THADA: variants seen among roughly 807,000 people sequenced by gnomAD.
THADA encodes the protein tRNA (32-2'-O)-methyltransferase regulator THADA.
THADA carries 213 observed loss-of-function variants against 219.8 expected under a neutral mutation model. The ratio of observed to expected loss-of-function variants is 0.97; its 90% CI spans 0.87 to 1.09. The LOEUF (loss-of-function observed/expected upper bound fraction) is 1.09, where lower values mean the gene tolerates loss of function less well. THADA is among the 50% of genes least tolerant of loss of function. The pLI, the probability that THADA is intolerant of heterozygous loss-of-function variation, is 0.00. For synonymous variants in THADA, 1,018 were observed against 828.9 expected (o/e 1.23, Z -3.92); for missense variants, 2,956 against 2,311.3 (o/e 1.28, Z -5.72).
In THADA at chr2:43,299,515, A is replaced by G. The variant is rs563605876; in HGVS notation, c.4439-6302T>C. Among the ~76,000 whole-genome samples the G allele has an allele frequency of 2.6e-5, 4 of 151,836 alleles. No homozygotes were observed. The South Asian group carries it at 8.3e-4, about 32-fold the overall frequency. On this transcript the variant is annotated intron_variant, in intron 31 of 37. Transcript: ENST00000405975. ...CTCTACTAAAAAAAATACAAAAATT[A>G]GCTGGGCGTGATGGTGGGCACCTGT...
intron 21 of THADA, among the ~76,000 whole-genome samples, chr2:43,531,150 T>C (rs1306674916): frequency 1.3e-5 from 2 of 152,190 alleles, no homozygotes; most frequent in African/African-American, 4.8e-5. Context: ...AAAACCAACA[T>C]GCTGTCTGGT....
intron 29 of THADA, among the ~76,000 whole-genome samples, chr2:43,391,204 T>C (rs1673342352): frequency 6.6e-6 from 1 of 152,092 alleles, no homozygotes; most frequent in Non-Finnish European, 1.5e-5. Context: ...GAAAAAAATA[T>C]ATATTTTTCC....
At chr2:43,544,253 T>C (rs1034447281) in intron 20 of THADA, among the ~76,000 whole-genome samples, 3 of 152,206 alleles carry the variant, frequency 2.0e-5, no homozygotes, top group Non-Finnish European at 4.4e-5. Context: ...TTGGTACCAG[T>C]ACCACGCTGT....
intron 30 of THADA, among the ~76,000 whole-genome samples, chr2:43,328,540 C>T (rs1487226752): frequency 2.6e-5 from 4 of 152,300 alleles, no homozygotes; most frequent in Non-Finnish European, 4.4e-5. Flanking sequence ...CCAACTTATA[C>T]GGAATTCTTA....
intron 22 of THADA, among the ~76,000 whole-genome samples, chr2:43,517,635 A>AT (rs1240525848): frequency 1.3e-5 from 2 of 152,036 alleles, no homozygotes; most frequent in Non-Finnish European, 2.9e-5. Context: ...GAAGTTTCTC[A>AT]TTTTTTCATC....
intron 26 of THADA, among the ~76,000 whole-genome samples, chr2:43,435,830 GT>G (rs1247609336): frequency 3.3e-4 from 47 of 144,462 alleles, no homozygotes; most frequent in East Asian, 2.8e-3. Context: ...ATGCATGAGG[GT>G]TTTTTTTTTA....
chr2:43,333,588 G>A (rs1666046028), intron 30 of THADA, among the ~76,000 whole-genome samples: 1 of 151,806 alleles, frequency 6.6e-6, no homozygotes, highest in African/African-American at 2.4e-5. Context: ...AAACCAAAAG[G>A]CAAAACATAA....
At chr2:43,502,204 G>T (rs1378497618) in intron 24 of THADA, among the ~76,000 whole-genome samples, 1 of 152,146 alleles carries the variant, frequency 6.6e-6, no homozygotes, top group Non-Finnish European at 1.5e-5. Context: ...GACAGAGCAA[G>T]ATCCTATCAG....
At chr2:43,344,655 G>A (rs1667432600) in intron 29 of THADA, among the ~76,000 whole-genome samples, 1 of 152,190 alleles carries the variant, frequency 6.6e-6, no homozygotes, top group Non-Finnish European at 1.5e-5. Flanking sequence ...AGTCTAAACT[G>A]GTTTACATGT....
At chr2:43,466,494 C>T (rs1684252979) in intron 26 of THADA, among the ~76,000 whole-genome samples, 1 of 152,116 alleles carries the variant, frequency 6.6e-6, no homozygotes, top group East Asian at 1.9e-4. Context: ...AGAATATTCA[C>T]GCTGCTAGCA....
chr2:43,399,282 A>G (rs1254032413), intron 28 of THADA, among the ~76,000 whole-genome samples: 1 of 152,220 alleles, frequency 6.6e-6, no homozygotes, highest in Admixed American at 6.5e-5. Context: ...GTAGGGGAAA[A>G]GAGATGGCCT....
intron 30 of THADA, among the ~76,000 whole-genome samples, chr2:43,340,340 C>T (rs190540711): frequency 1.3e-5 from 2 of 152,200 alleles, no homozygotes; most frequent in African/African-American, 2.4e-5. Flanking sequence ...ATGGCTATTG[C>T]TTAATCACCT....
chr2:43,287,322 T>C (rs979437265), intron 34 of THADA, among the ~76,000 whole-genome samples: 5 of 152,014 alleles, frequency 3.3e-5, no homozygotes, highest in Non-Finnish European at 7.4e-5. Flanking sequence ...TGAGGCAAGG[T>C]CTTGCTCTGT....
intron 36 of THADA, among the ~76,000 whole-genome samples, chr2:43,249,088 T>C (rs1347188356): frequency 6.6e-6 from 1 of 151,978 alleles, no homozygotes; most frequent in Non-Finnish European, 1.5e-5. Flanking sequence ...AATGGTAGCC[T>C]TCCTTTTTTT....
At chr2:43,580,246 G>A (rs116531326) in intron 8 of THADA, among the ~76,000 whole-genome samples, 175 of 151,390 alleles carry the variant, frequency 1.2e-3, no homozygotes, top group Middle Eastern at 3.4e-3. Context: ...TCATCATGTT[G>A]GCCAGAATGG....
chr2:43,541,662 C>A (rs921457377), intron 20 of THADA, among the ~76,000 whole-genome samples: 4 of 152,088 alleles, frequency 2.6e-5, no homozygotes, highest in African/African-American at 9.7e-5. Context: ...GTATGCGCCA[C>A]CACACCCAGT....
chr2:43,402,692 C>T (rs1176757115), intron 28 of THADA, among the ~76,000 whole-genome samples: 1 of 152,218 alleles, frequency 6.6e-6, no homozygotes, highest in African/African-American at 2.4e-5. Flanking sequence ...GAGAAAATCA[C>T]TGCCTAGGCC....
intron 29 of THADA, among the ~76,000 whole-genome samples, chr2:43,355,079 G>T (rs1668729730): frequency 6.6e-6 from 1 of 151,994 alleles, no homozygotes; most frequent in South Asian, 2.1e-4. Flanking sequence ...CCCAGTCCTG[G>T]GTATGTCTTT....
chr2:43,483,551 T>C (rs1186055735), intron 26 of THADA, among the ~76,000 whole-genome samples: 1 of 152,138 alleles, frequency 6.6e-6, no homozygotes, highest in Non-Finnish European at 1.5e-5. Context: ...AACTTCTCAT[T>C]CCTATTTCCT....
Sources: gnomAD v4.1 joint callset for allele counts (sites outside exome capture counted in the v4.1 genomes callset) on GRCh38, gnomAD v4.1.1 for gene constraint, MANE v1.5 for transcripts, NCBI Gene and HGNC (gene_info 2026-07-23, HGNC 2026-07-21) for gene names.